CHD9: variants seen among roughly 807,000 people sequenced by gnomAD.
CHD9 encodes ATP-dependent chromatin remodeler CHD9.
A neutral mutation model predicts 316.1 loss-of-function variants in CHD9; 77 were observed. The observed-to-expected ratio is 0.24, with a 90% CI of 0.20 to 0.29. CHD9 has a LOEUF of 0.29. CHD9 is among the 10% of genes least tolerant of loss of function. CHD9 has a pLI of 1.00. For missense variants in CHD9, 2,763 were observed against 3,438.1 expected (o/e 0.80, Z 4.91); for synonymous variants, 1,129 against 1,158.3 (o/e 0.97, Z 0.51).
At chr16:53,161,607 T>C (rs889865246) in intron 2 of CHD9, among the ~76,000 whole-genome samples, 2 of 152,144 alleles carry the variant, frequency 1.3e-5, no homozygotes, top group Admixed American at 1.3e-4. Flanking sequence ...TTATGAAAAA[T>C]AATTTTGAGG....
intron 1 of CHD9, among the ~76,000 whole-genome samples, chr16:53,083,558 C>T (rs924758684): frequency 1.3e-5 from 2 of 152,128 alleles, no homozygotes; most frequent in African/African-American, 4.8e-5. Context: ...CCTGAAGACA[C>T]CTGAACTTTG....
chr16:53,279,452 T>A (rs959113545), intron 24 of CHD9, among the ~76,000 whole-genome samples: 4 of 152,160 alleles, frequency 2.6e-5, no homozygotes, highest in Admixed American at 2.0e-4. Context: ...ATGGCACATG[T>A]ATACATATGT....
intron 1 of CHD9, among the ~76,000 whole-genome samples, chr16:53,147,696 T>C (rs953866502): frequency 3.9e-5 from 6 of 152,218 alleles, no homozygotes; most frequent in Non-Finnish European, 7.3e-5. Flanking sequence ...ACTTTATTAC[T>C]TTTTATGACT....
intron 24 of CHD9, among the ~76,000 whole-genome samples, chr16:53,280,474 A>C (rs564039970): frequency 7.2e-5 from 11 of 152,218 alleles, no homozygotes; most frequent in Non-Finnish European, 7.4e-5. Context: ...CTAAGCTATG[A>C]GGATGCAAAG....
intron 1 of CHD9, among the ~76,000 whole-genome samples, chr16:53,057,519 T>C (rs1476114385): frequency 1.3e-5 from 2 of 151,830 alleles, no homozygotes; most frequent in Admixed American, 1.3e-4. Flanking sequence ...CTGGGCGTGG[T>C]GGCAAGAGCC....
At chr16:53,120,254 T>A (rs897441157) in intron 1 of CHD9, among the ~76,000 whole-genome samples, 3 of 151,628 alleles carry the variant, frequency 2.0e-5, no homozygotes, top group East Asian at 3.9e-4. Context: ...AATAAAAAAA[T>A]TTTTTTAAAA....
At chr16:53,186,164 A>G (rs2043986972) in intron 2 of CHD9, among the ~76,000 whole-genome samples, 1 of 152,212 alleles carries the variant, frequency 6.6e-6, no homozygotes, top group Non-Finnish European at 1.5e-5. Context: ...GCAGCCCATG[A>G]CAGCAGCCAG....
intron 22 of CHD9, among the ~76,000 whole-genome samples, chr16:53,269,681 C>T (rs2052043613): frequency 6.6e-6 from 1 of 152,152 alleles, no homozygotes; most frequent in Non-Finnish European, 1.5e-5. Flanking sequence ...AAGTAAGGCA[C>T]TAAGCTTAAC....
At chr16:53,166,901 T>C (rs908157333) in intron 2 of CHD9, among the ~76,000 whole-genome samples, 2 of 152,190 alleles carry the variant, frequency 1.3e-5, no homozygotes, top group Non-Finnish European at 1.5e-5. Flanking sequence ...CAGGTTTACA[T>C]TGACCATTTC....
At chr16:53,304,686 TTCTTTTC>T in intron 31 of CHD9, 61 bp downstream of exon 31, 1 of 1,018,474 alleles carries the variant, frequency 9.8e-7, no homozygotes, top group South Asian at 2.7e-5. Context: ...TTCTTTTCTT[TTCTTTTC>T]TTTTTTTTTT....
intron 2 of CHD9, among the ~76,000 whole-genome samples, chr16:53,203,987 G>T (rs2045662307): frequency 7.9e-6 from 1 of 126,696 alleles, no homozygotes; most frequent in Admixed American, 9.7e-5. Flanking sequence ...TCACACCACT[G>T]CACTCCAGCC....
chr16:53,257,987 ATT>A (rs1001929121), intron 19 of CHD9, among the ~76,000 whole-genome samples: 9 of 152,122 alleles, frequency 5.9e-5, no homozygotes, highest in African/African-American at 2.2e-4. Context: ...GTCCTTGTTG[ATT>A]AGGCCAAACA....
intron 22 of CHD9, 110 bp downstream of exon 22, chr16:53,268,236 T>C (rs191896565): frequency 6.7e-5 from 52 of 775,150 alleles, no homozygotes; most frequent in Non-Finnish European, 9.9e-5. Context: ...TTAAGGAACC[T>C]TAACCTTCAC....
At chr16:53,243,835 TTTAA>T (rs2049316734) in intron 13 of CHD9, among the ~76,000 whole-genome samples, 2 of 152,212 alleles carry the variant, frequency 1.3e-5, no homozygotes, top group African/African-American at 2.4e-5. Flanking sequence ...CATTTTGATT[TTTAA>T]TTAAGATCAC....
chr16:53,244,877 C>T (rs941370234), intron 13 of CHD9, among the ~76,000 whole-genome samples: 6 of 151,896 alleles, frequency 4.0e-5, no homozygotes, highest in African/African-American at 1.2e-4. Context: ...ACCTGTAATC[C>T]CAGCACTTTG....
chr16:53,202,182 A>C (rs892613494), intron 2 of CHD9, among the ~76,000 whole-genome samples: 14 of 152,132 alleles, frequency 9.2e-5, no homozygotes, highest in Non-Finnish European at 4.4e-5. Flanking sequence ...TCTTTAAAAC[A>C]CAACTACAAA....
chr16:53,147,719 A>G (rs79243132), intron 1 of CHD9, among the ~76,000 whole-genome samples: 2,131 of 152,262 alleles, frequency 0.014, 45 homozygotes, highest in African/African-American at 0.049. Flanking sequence ...GTAAGATTCT[A>G]TTATAAATAT....
intron 34 of CHD9, among the ~76,000 whole-genome samples, chr16:53,309,207 G>C (rs1051476627): frequency 6.6e-6 from 1 of 152,154 alleles, no homozygotes; most frequent in Admixed American, 6.5e-5. Flanking sequence ...TTTAGAGATT[G>C]TACAGTCCAG....
At chr16:53,063,401 C>A (rs796304024) in intron 1 of CHD9, among the ~76,000 whole-genome samples, 36 of 146,302 alleles carry the variant, frequency 2.5e-4, no homozygotes, top group South Asian at 6.6e-4. Context: ...CACACACACA[C>A]AAAATGTGAA....
Sources: gnomAD v4.1 joint callset for allele counts (sites outside exome capture counted in the v4.1 genomes callset) on GRCh38, gnomAD v4.1.1 for gene constraint, MANE v1.5 for transcripts, NCBI Gene and HGNC (gene_info 2026-07-23, HGNC 2026-07-21) for gene names.